RAP1GAP2: variants seen among roughly 807,000 people sequenced by gnomAD.
RAP1GAP2 encodes the protein RAP1 GTPase activating protein 2.
A neutral mutation model predicts 95.0 loss-of-function variants in RAP1GAP2; 27 were observed. That is an observed-to-expected ratio of 0.28 (90% CI 0.21 to 0.39). RAP1GAP2 has a LOEUF of 0.39. RAP1GAP2 is among the 10% of genes least tolerant of loss of function. The probability of loss-of-function intolerance (pLI) is 1.00; values close to 1 mark genes in which losing one functional copy is unlikely to be tolerated. For synonymous variants in RAP1GAP2, 373 were observed against 380.9 expected, an observed-to-expected ratio of 0.98 and a Z score of 0.24; for missense variants, 771 against 970.0, an observed-to-expected ratio of 0.79 and a Z score of 2.72.
At chr17:2,774,588 C>T (rs11658708), upstream of RAP1GAP2, among the ~76,000 whole-genome samples, 9,868 of 149,696 alleles carry the variant, frequency 0.066, 384 homozygotes, top group Non-Finnish European at 0.09. Flanking sequence ...TCTTCTGTCT[C>T]AGCCTCCTGA....
chr17:2,953,516 G>T (rs2043990315), intron 3 of RAP1GAP2, among the ~76,000 whole-genome samples: 1 of 152,054 alleles, frequency 6.6e-6, no homozygotes, highest in African/African-American at 2.4e-5. Flanking sequence ...CAGCTTTATT[G>T]AGATATAATT....
intron 2 of RAP1GAP2, among the ~76,000 whole-genome samples, chr17:2,833,984 C>A (rs1220787455): frequency 6.6e-6 from 1 of 152,144 alleles, no homozygotes; most frequent in Admixed American, 6.6e-5. Context: ...GCGTGCTGTA[C>A]CCTCCGCCCA....
At chr17:2,975,584 C>G (rs776764038) in intron 8 of RAP1GAP2, among the ~76,000 whole-genome samples, 2 of 152,226 alleles carry the variant, frequency 1.3e-5, no homozygotes, top group Non-Finnish European at 2.9e-5. Context: ...TTTGGTGTAA[C>G]ACCCGGGCTC....
intron 3 of RAP1GAP2, 145 bp from the exon 4 acceptor site, chr17:2,957,614 A>G: frequency 1.0e-6 from 1 of 975,780 alleles, no homozygotes; most frequent in Non-Finnish European, 1.5e-6. Context: ...AGGCAAAATC[A>G]AATTATCTTC....
intron 2 of RAP1GAP2, among the ~76,000 whole-genome samples, chr17:2,801,597 A>G (rs111361814): frequency 0.012 from 1,435 of 121,834 alleles, 39 homozygotes; most frequent in Middle Eastern, 0.042. Flanking sequence ...ACTCCAGGGT[A>G]TGTGTGTGTG....
intron 2 of RAP1GAP2, among the ~76,000 whole-genome samples, chr17:2,877,975 TG>T (rs2073154109): frequency 6.6e-6 from 1 of 151,684 alleles, no homozygotes; most frequent in African/African-American, 2.4e-5. Flanking sequence ...GGAGGGGGAT[TG>T]GGGTGCATTG....
At chr17:2,921,675 A>C (rs76382972) in intron 3 of RAP1GAP2, among the ~76,000 whole-genome samples, 103 of 99,762 alleles carry the variant, frequency 1.0e-3, no homozygotes, top group African/African-American at 4.8e-3. Flanking sequence ...TTAAGGTGTC[A>C]GCAGGGCCGT....
At chr17:2,932,599 A>G (rs2043188490) in intron 3 of RAP1GAP2, among the ~76,000 whole-genome samples, 1 of 149,556 alleles carries the variant, frequency 6.7e-6, no homozygotes. Flanking sequence ...AAAAAAAAAA[A>G]AAAAAGAGGA....
intron 11 of RAP1GAP2, among the ~76,000 whole-genome samples, chr17:2,985,806 C>T (rs191316527): frequency 9.2e-5 from 14 of 152,144 alleles, no homozygotes; most frequent in Admixed American, 7.9e-4. Context: ...CTTAAAGAAC[C>T]CCCAAGGTAA....
chr17:2,758,941 C>T (rs1488495409), intron 1 of RAP1GAP2, among the ~76,000 whole-genome samples: 2 of 152,128 alleles, frequency 1.3e-5, no homozygotes, highest in African/African-American at 2.4e-5. Flanking sequence ...CCTCCATCAG[C>T]TTCCCATGTA....
At chr17:2,900,936 G>C (rs550974573) in intron 2 of RAP1GAP2, among the ~76,000 whole-genome samples, 1 of 152,178 alleles carries the variant, frequency 6.6e-6, no homozygotes, top group Non-Finnish European at 1.5e-5. Context: ...CGGTTGCAGT[G>C]ACCTCAAGAT....
intron 2 of RAP1GAP2, chr17:2,770,573 G>A (rs1036805182): frequency 3.0e-5 from 12 of 396,962 alleles, no homozygotes; most frequent in Middle Eastern, 1.3e-3. Flanking sequence ...CTCAGTGATG[G>A]GGAGGCCTTC....
chr17:2,832,047 TACAA>T (rs1464277505), intron 2 of RAP1GAP2, among the ~76,000 whole-genome samples: 2 of 149,450 alleles, frequency 1.3e-5, no homozygotes, highest in African/African-American at 5.0e-5. Context: ...CTACTAAAAA[TACAA>T]AAATTAGATG....
chr17:3,015,348 C>T (rs1455876146), intron 17 of RAP1GAP2, among the ~76,000 whole-genome samples: 1 of 152,102 alleles, frequency 6.6e-6, no homozygotes, highest in Non-Finnish European at 1.5e-5. Flanking sequence ...ACAAATGGCC[C>T]TCCTGAGTCT....
chr17:3,021,219 C>T (rs997018296), intron 19 of RAP1GAP2, among the ~76,000 whole-genome samples: 1 of 152,018 alleles, frequency 6.6e-6, no homozygotes, highest in Admixed American at 6.6e-5. Context: ...CTATGTAATA[C>T]ATTATTATCA....
At chr17:2,958,127 T>C (rs2151474516) in intron 4 of RAP1GAP2, among the ~76,000 whole-genome samples, 1 of 152,100 alleles carries the variant, frequency 6.6e-6, no homozygotes, top group East Asian at 1.9e-4. Flanking sequence ...CTGAAAGAAC[T>C]AGCTGCTTCT....
chr17:2,881,270 A>AG (rs2073279014), intron 2 of RAP1GAP2, among the ~76,000 whole-genome samples: 1 of 151,990 alleles, frequency 6.6e-6, no homozygotes, highest in African/African-American at 2.4e-5. Context: ...CAAAAAAAAA[A>AG]AAAAGAAAAA....
chr17:2,915,654 C>T (rs1160435904), intron 3 of RAP1GAP2, among the ~76,000 whole-genome samples: 1 of 152,190 alleles, frequency 6.6e-6, no homozygotes, highest in Non-Finnish European at 1.5e-5. Context: ...TTTGCTTACC[C>T]CAGCTCACAA....
intron 20 of RAP1GAP2, 36 bp from the exon 21 acceptor site, chr17:3,026,314 G>T: frequency 6.6e-7 from 1 of 1,514,766 alleles, no homozygotes. Context: ...GCTCTCGCGT[G>T]TGACCCGGGC....
Sources: gnomAD v4.1 joint callset for allele counts (sites outside exome capture counted in the v4.1 genomes callset) on GRCh38, gnomAD v4.1.1 for gene constraint, MANE v1.5 for transcripts, NCBI Gene and HGNC (gene_info 2026-07-23, HGNC 2026-07-21) for gene names.